The following HTR3A variants were observed in gnomAD, a reference collection of about 807,000 sequenced individuals.
The protein encoded by HTR3A is 5-hydroxytryptamine receptor 3A, also known as 5-hydroxytryptamine (serotonin) receptor 3A, ionotropic.
A neutral mutation model predicts 54.8 loss-of-function variants in HTR3A; 45 were observed. That is an observed-to-expected ratio of 0.82 (90% CI 0.65 to 1.05). HTR3A has a LOEUF of 1.05. HTR3A is among the 50% of genes least tolerant of loss of function. The pLI is 0.00. For synonymous variants in HTR3A, 297 were observed against 256.0 expected, an observed-to-expected ratio of 1.16 and a Z score of -1.53; for missense variants, 657 against 614.0, an observed-to-expected ratio of 1.07 and a Z score of -0.74.
Position 113,981,245 on chromosome 11 carries a change from G to C in HTR3A, c.307G>C (p.Asp103His). The change falls in exon 4 of 9, where the codon GAC (aspartate) becomes CAC (histidine). Residue 103 changes from aspartate to histidine, a missense_variant. By Grantham distance (81) the Asp-to-His change is moderately conservative (BLOSUM62 -1). Coordinates refer to ENST00000504030, the MANE Select transcript of HTR3A (RefSeq NM_000869.6). ...EFLQWNPEDF[D>H]NITKLSIPTD... is the part of the protein sequence containing the mutation. ...TCTCCAGTGGAACCCTGAGGACTTTGACAACATCACCAAGTTGTCCATCCC... is the reference window on the plus strand; with the variant it reads ...TCTCCAGTGGAACCCTGAGGACTTTCACAACATCACCAAGTTGTCCATCCC... 1 of 1,614,040 alleles carries C rather than the reference G, an allele frequency of 6.2e-7. No individual in the cohort carries two copies.
At position 113,989,984 on chromosome 11, in the gene HTR3A, C is replaced by T; in HGVS notation, c.*221C>T. ...TGTTCAAGGCCCTTACACCCTTGTCCCACCCCCAGCAGCTCACCATGGCTT... is the reference window on the plus strand; with the variant it reads ...TGTTCAAGGCCCTTACACCCTTGTCTCACCCCCAGCAGCTCACCATGGCTT... On this transcript the variant is annotated 3_prime_UTR_variant, in exon 9 of 9. Transcript: ENST00000504030. This position sits in a 1 kb window ranked among gnomAD's most constrained non-coding sequence, Gnocchi z 4.4. The T allele has an allele frequency of 1.5e-6, 1 of 688,600 alleles. No homozygotes were observed. Among genetic ancestry groups the T allele is most frequent in the Non-Finnish European group, 2.6e-6 (1 of 378,958 alleles). 42.7% of individuals were successfully genotyped at this position (688,600 alleles called of 1,614,324 possible).
At position 113,986,828 on chromosome 11, in the gene HTR3A, T is replaced by C; in HGVS notation, c.920T>C (p.Val307Ala). ...GCCTCTGCCCTGGGCTGCACAGGTG[T>C]CTACTTTGTGGTGTGCATGGCTCTG... ...ATAIGTPLIG[V>A]YFVVCMALLV... The change falls in exon 8 of 9, where the codon GTC (valine) becomes GCC (alanine). Residue 307 changes from valine (V) to alanine (A), a missense_variant. By Grantham distance (64) the Val-to-Ala change is moderately conservative. Coordinates refer to ENST00000504030, the MANE Select transcript of HTR3A (RefSeq NM_000869.6). 1 of 1,613,930 alleles carries C rather than the reference T, an allele frequency of 6.2e-7. No homozygotes were observed. The highest frequency in any genetic ancestry group is 8.5e-7 in the Non-Finnish European group (1 of 1,179,958).
Position 113,983,149 on chromosome 11 carries a change from C to T in HTR3A, c.404C>T (p.Pro135Leu), listed in dbSNP as rs1565580661. 9 of 1,614,098 alleles carry T rather than the reference C, an allele frequency of 5.6e-6. No individual in the cohort carries two copies. The highest frequency in any genetic ancestry group is 1.7e-5 in the Admixed American group (1 of 60,008). Residue 135 changes from proline to leucine, a missense_variant, in exon 5 of 9, where the codon CCG becomes CTG. Physicochemically the swap from Pro to Leu is moderately conservative, Grantham distance 98. Coordinates refer to ENST00000504030, the MANE Select transcript of HTR3A (RefSeq NM_000869.6). ...FVDVGKSPNI[P>L]YVYIRHQGEV... Reference sequence around the variant, plus strand: ...GATGTGGGGAAGTCTCCAAATATCCCGTACGTGTATATTCGGCATCAAGGC... The same window carrying T: ...GATGTGGGGAAGTCTCCAAATATCCTGTACGTGTATATTCGGCATCAAGGC...
intron 5 of HTR3A, 118 bp from the exon 6 acceptor site, chr11:113,985,896 AG>A: frequency 1.0e-6 from 1 of 999,906 alleles, no homozygotes; most frequent in Non-Finnish European, 1.6e-6. Context: ...GCTGAGGTTG[AG>A]GTTGGGCCAT....
At chr11:113,988,158 A>G (rs930857581) in intron 8 of HTR3A, among the ~76,000 whole-genome samples, 1 of 152,140 alleles carries the variant, frequency 6.6e-6, no homozygotes, top group African/African-American at 2.4e-5. Context: ...CCTTTACATG[A>G]GATTTTTGGC....
At position 113,989,568 on chromosome 11, in the gene HTR3A, G is replaced by C; in HGVS notation, c.1242G>C (p.Ala414=). 1.9e-6 allele frequency: 3 copies of C among 1,614,204 alleles called. No homozygotes were observed. The highest frequency in any genetic ancestry group is 1.6e-4 in the Middle Eastern group (1 of 6,062). Residue 414 remains alanine, a synonymous_variant, in exon 9 of 9, where the codon GCG becomes GCC. Transcript: ENST00000504030. This position sits in a 1 kb window ranked among gnomAD's most constrained non-coding sequence, Gnocchi z 4.4. ...CACCACCTCGGGAGGCCTCGCTGGC[G>C]GTGTGTGGGCTGCTGCAGGAGCTGT... ...PPPPPREASL[A]VCGLLQELSS... is the part of the protein sequence containing the mutation.
At chr11:113,982,409 A>T (rs1269628781) in intron 4 of HTR3A, among the ~76,000 whole-genome samples, 1 of 152,158 alleles carries the variant, frequency 6.6e-6, no homozygotes, top group Non-Finnish European at 1.5e-5. Context: ...GGCTCTGGGA[A>T]ATCCCAGTTT....
At position 113,986,065 on chromosome 11, in the gene HTR3A, G is replaced by T; in HGVS notation, c.595G>T (p.Asp199Tyr). Residue 199 changes from aspartate (D) to tyrosine (Y), a missense_variant, in exon 6 of 9, where the codon GAC becomes TAC. Transcript: ENST00000504030. ...GCGCTTGCCAGAAAAGGTGAAATCC[G>T]ACAGGAGTGTCTTCATGAACCAGGG... is the stretch of plus-strand genomic sequence containing the variant. ...LWRLPEKVKS[D>Y]RSVFMNQGEW... 1 of 1,614,186 alleles carries T rather than the reference G, an allele frequency of 6.2e-7. No individual in the cohort carries two copies.
chr11:113,979,407 C>T, intron 3 of HTR3A, 130 bp downstream of exon 3: 1 of 738,158 alleles, frequency 1.4e-6, no homozygotes, highest in African/African-American at 1.7e-5. Context: ...AGCCTGAGAT[C>T]CAGGAGTGTG....
chr11:113,977,984 A>T, intron 2 of HTR3A, 62 bp downstream of exon 2: 1 of 1,593,176 alleles, frequency 6.3e-7, no homozygotes, highest in African/African-American at 1.3e-5. Context: ...AGGCCATGTG[A>T]GACAAGTCAC....
At chr11:113,981,580 C>A (rs1950422575) in intron 4 of HTR3A, among the ~76,000 whole-genome samples, 2 of 152,108 alleles carry the variant, frequency 1.3e-5, no homozygotes, top group South Asian at 4.1e-4. Flanking sequence ...GGGAAAGAAA[C>A]CAGTGAATGA....
chr11:113,986,136 C>T lies in HTR3A; in HGVS notation c.666C>T (p.Ser222=). Residue 222 remains serine, a synonymous_variant, in exon 6 of 9, where the codon AGC becomes AGT. Coordinates refer to ENST00000504030, the MANE Select transcript of HTR3A (RefSeq NM_000869.6). ...LGVLPYFREF[S]MESSNYYAEM... is the part of the protein sequence containing the mutation. ...TGCTGCCCTACTTTCGGGAGTTCAG[C>T]ATGGAAAGCAGTAACTACTATGCAG... 2 of 1,614,092 alleles carry T rather than the reference C, an allele frequency of 1.2e-6. No individual in the cohort carries two copies. The highest frequency in any genetic ancestry group is 1.7e-6 in the Non-Finnish European group (2 of 1,180,040).
chr11:113,977,665 G>A, intron 1 of HTR3A, 106 bp from the exon 2 acceptor site: 1 of 1,509,390 alleles, frequency 6.6e-7, no homozygotes, highest in East Asian at 2.5e-5. Flanking sequence ...TTTGTGAGGT[G>A]GGGATGGTGG....
In HTR3A at chr11:113,986,540, T is replaced by C. The variant is rs769592941; in HGVS notation, c.728T>C (p.Leu243Pro). ...KFYVVIRRRP[L>P]FYVVSLLLPS... Reference sequence around the variant, plus strand: ...CAGGTGGTCATCCGCCGGCGGCCCCTCTTCTATGTGGTCAGCCTGCTACTG... The same window carrying C: ...CAGGTGGTCATCCGCCGGCGGCCCCCCTTCTATGTGGTCAGCCTGCTACTG... The change falls in exon 7 of 9, where the codon CTC becomes CCC. Residue 243 changes from leucine to proline, a missense_variant. Leu to Pro is a moderately conservative substitution (Grantham distance 98, BLOSUM62 -3). Transcript: ENST00000504030. 5 of 1,612,830 alleles carry C rather than the reference T, an allele frequency of 3.1e-6. No homozygotes were observed. Among genetic ancestry groups the C allele is most frequent in the Admixed American group, 1.7e-5 (1 of 60,026 alleles).
Position 113,986,011 on chromosome 11 carries a change from T to C in HTR3A, c.545-4T>C. The C allele has an allele frequency of 6.2e-7, 1 of 1,614,098 alleles. No homozygotes were observed. The highest frequency in any genetic ancestry group is 8.5e-7 in the Non-Finnish European group (1 of 1,180,016). On this transcript the variant is annotated splice_region_variant and splice_polypyrimidine_tract_variant and intron_variant, in intron 5 of 8. Coordinates refer to ENST00000504030, the MANE Select transcript of HTR3A (RefSeq NM_000869.6). ...CAAAGCTGGCTTGCTTTATTCTCTC[T>C]CAGTCCAGGACATCAACATCTCTTT...
At chr11:113,975,413 A>G in intron 1 of HTR3A, 21 bp downstream of exon 1, 2 of 1,603,556 alleles carry the variant, frequency 1.2e-6, no homozygotes, top group Non-Finnish European at 8.5e-7. Context: ...TTCGGGAAGC[A>G]GCAGGACTTG....
chr11:113,986,372 G>A, intron 6 of HTR3A, 146 bp from the exon 7 acceptor site: 3 of 1,058,152 alleles, frequency 2.8e-6, no homozygotes, highest in Non-Finnish European at 4.2e-6. Flanking sequence ...TGGATTGAGA[G>A]GCAGGGTATG....
In HTR3A at chr11:113,986,952, G is replaced by A; in HGVS notation, c.1044G>A (p.Leu348=). ...CTGCTTGGCTGCGTCACCTGGTTCTGGAGAGAATCGCCTGGCTACTTTGCC... is the reference window on the plus strand; with the variant it reads ...CTGCTTGGCTGCGTCACCTGGTTCTAGAGAGAATCGCCTGGCTACTTTGCC... ...PVPAWLRHLV[L]ERIAWLLCLR... is the part of the protein sequence containing the mutation. Residue 348 remains leucine, a synonymous_variant, in exon 8 of 9, where the codon CTG becomes CTA. Transcript: ENST00000504030. The A allele has an allele frequency of 8.1e-6, 13 of 1,614,132 alleles. No individual in the cohort carries two copies. The highest frequency in any genetic ancestry group is 1.1e-5 in the Non-Finnish European group (13 of 1,180,018).
At chr11:113,984,922 CA>C (rs1591604984) in intron 5 of HTR3A, among the ~76,000 whole-genome samples, 1 of 36,486 alleles carries the variant, frequency 2.7e-5, no homozygotes, top group Admixed American at 4.6e-4. Flanking sequence ...GACTCCGTCT[CA>C]AAAAAGAAAA....
Sources: allele counts gnomAD v4.1 joint callset (sites outside exome capture counted in the v4.1 genomes callset), GRCh38; gene constraint gnomAD v4.1.1; non-coding constraint Gnocchi (gnomAD v3.1); transcripts MANE v1.5; gene names NCBI Gene and HGNC (gene_info 2026-07-23, HGNC 2026-07-21).